Variants in EVC2 observed in about 807,000 individuals in gnomAD.
EVC2 encodes the protein limbin.
EVC2 carries 148 observed loss-of-function variants against 149.3 expected under a neutral mutation model. The observed-to-expected ratio is 0.99, with a 90% CI of 0.87 to 1.14. EVC2 has a LOEUF of 1.14. Among genes scored for constraint, EVC2 ranks in the 50% most tolerant of loss-of-function variants. The pLI is 0.00. For missense variants in EVC2, 1,854 were observed against 1,627.3 expected (o/e 1.14, Z -2.40); for synonymous variants, 776 against 649.9 (o/e 1.19, Z -2.95).
chr4:5,640,376 A>G lies in EVC2; in HGVS notation c.1470+138T>C. 1.0e-6 allele frequency: 1 copy of G among 991,016 alleles called. No individual in the cohort carries two copies. Among genetic ancestry groups the G allele is most frequent in the Non-Finnish European group, 1.6e-6 (1 of 620,574 alleles). The allele number at this position is 991,016 out of a possible 1,614,324, so 61.4% of individuals were successfully genotyped here. A position where few individuals can be genotyped will look rare whatever the true frequency, so the allele number is the denominator to read the frequency against. ...TGGATGAATGAATGGAAGGATGAAT[A>G]GATGAATGAGTGGGTGGTTGGATGG... On this transcript the variant is annotated intron_variant, in intron 10 of 21. Transcript: ENST00000344408. The surrounding 1 kb of genome is among the most constrained non-coding windows in gnomAD (Gnocchi z 4.6).
At chr4:5,623,077 A>G in intron 13 of EVC2, 86 bp from the exon 14 acceptor site, 1 of 1,246,962 alleles carries the variant, frequency 8.0e-7, no homozygotes, top group South Asian at 1.3e-5. Flanking sequence ...CAGGAAGCAC[A>G]GAATGTTTAT....
At position 5,685,224 on chromosome 4, in the gene EVC2, G is replaced by C. The variant is rs537594791; in HGVS notation, c.816+146C>G. ...GCCCAGTTCATGGCAAGGCGTGTGA[G>C]ACTCCAGGGCCTATGCCCTTATCTG... On this transcript the variant is annotated intron_variant, in intron 6 of 21. Coordinates refer to ENST00000344408, the MANE Select transcript of EVC2 (RefSeq NM_147127.5). The C allele has an allele frequency of 7.4e-4, 598 of 810,906 alleles. 4 individuals are homozygous for C. Among genetic ancestry groups the C allele is most frequent in the South Asian group, 9.7e-4 (68 of 69,796 alleles). The allele number at this position is 810,906 out of a possible 1,614,324, so 50.2% of individuals were successfully genotyped here. A position where few individuals can be genotyped will look rare whatever the true frequency, so the allele number is the denominator to read the frequency against.
chr4:5,541,573 C>T (rs1353732806), downstream of EVC2, among the ~76,000 whole-genome samples: 1 of 152,172 alleles, frequency 6.6e-6, no homozygotes, highest in Non-Finnish European at 1.5e-5. Flanking sequence ...GCAGGAAGGA[C>T]TTCACATCCT....
chr4:5,586,028 A>G (rs568974170), intron 16 of EVC2, among the ~76,000 whole-genome samples: 1 of 151,838 alleles, frequency 6.6e-6, no homozygotes, highest in Non-Finnish European at 1.5e-5. Context: ...CACCCAGCTA[A>G]TTTTTGTAAT....
intron 20 of EVC2, 85 bp from the exon 21 acceptor site, chr4:5,565,444 G>A (rs1006775597): frequency 3.2e-6 from 4 of 1,264,382 alleles, no homozygotes; most frequent in East Asian, 2.4e-5. Context: ...GCAGAGGCGG[G>A]CAGATCACCT....
chr4:5,546,265 G>A (rs1721620776), intron 21 of EVC2, among the ~76,000 whole-genome samples: 1 of 152,192 alleles, frequency 6.6e-6, no homozygotes, highest in South Asian at 2.1e-4. Flanking sequence ...ACATGCATAC[G>A]TATGTTTACT....
the EVC2 span, among the ~76,000 whole-genome samples, chr4:5,535,525 G>T: frequency 6.6e-6 from 1 of 151,312 alleles, no homozygotes; most frequent in African/African-American, 2.4e-5. The surrounding 1 kb of genome is among the most constrained non-coding windows in gnomAD (Gnocchi z 4.7). Context: ...ACAACAGACG[G>T]TTATTTCACA....
chr4:5,601,049 C>T (rs761156577), intron 16 of EVC2, among the ~76,000 whole-genome samples: 14 of 152,150 alleles, frequency 9.2e-5, no homozygotes, highest in Non-Finnish European at 1.5e-4. Context: ...AGACTTGGAG[C>T]GGTCTTTTTT....
At chr4:5,665,249 G>A (rs1719187706) in intron 8 of EVC2, among the ~76,000 whole-genome samples, 1 of 152,094 alleles carries the variant, frequency 6.6e-6, no homozygotes, top group Non-Finnish European at 1.5e-5. Flanking sequence ...GTTCCAAGTT[G>A]TAACGTTCTG....
At position 5,640,203 on chromosome 4, in the gene EVC2, A is replaced by G. The variant is rs1187475000; in HGVS notation, c.1470+311T>C. 2.0e-5 allele frequency among the ~76,000 whole-genome samples: 3 copies of G among 151,840 alleles called. No individual in the cohort carries two copies. Among genetic ancestry groups the G allele is most frequent in the Admixed American group, 1.3e-4 (2 of 15,252 alleles). On this transcript the variant is annotated intron_variant, in intron 10 of 21. Coordinates refer to ENST00000344408, the MANE Select transcript of EVC2 (RefSeq NM_147127.5). The surrounding 1 kb of genome is among the most constrained non-coding windows in gnomAD (Gnocchi z 4.6). ...AATGAGTAGGTGGATGAACAGACAG[A>G]TGGATGTGTAGATGGACAGATGGGT...
chr4:5,708,545 G>C lies in EVC2; in HGVS notation c.-32C>G, dbSNP rs1039950341. On this transcript the variant is annotated 5_prime_UTR_variant, in exon 1 of 22. Transcript: ENST00000344408. ...TCGGGACCCGCTACCTCAAAGCGGC[G>C]GGTGCCGCCGAGTCGCTGGAGCTTC... 14 of 1,382,278 alleles carry C rather than the reference G, an allele frequency of 1.0e-5. No individual in the cohort carries two copies. The highest frequency in any genetic ancestry group is 1.2e-5 in the Non-Finnish European group (13 of 1,066,450). The allele number at this position is 1,382,278 out of a possible 1,614,324, so 85.6% of individuals were successfully genotyped here.
rs377461598 is a variant in EVC2, at chr4:5,640,585, C to T, written c.1399G>A (p.Glu467Lys). 63 of 1,614,140 alleles carry T rather than the reference C, an allele frequency of 3.9e-5. No homozygotes were observed. Among genetic ancestry groups the T allele is most frequent in the African/African-American group, 2.9e-4 (22 of 75,026 alleles). ...ATCATCTCTCTCTGGTACTGGTTTT[C>T]CATCTTCTTTCTTGTTTCCAGGTCA... ...ECDLETRKKM[E>K]NQYQREMMAM... Residue 467 changes from glutamate to lysine, a missense_variant, in exon 10 of 22, where the codon GAA becomes AAA. Transcript: ENST00000344408. This position sits in a 1 kb window ranked among gnomAD's most constrained non-coding sequence, Gnocchi z 4.6.
chr4:5,682,269 T>A (rs1053207465), intron 6 of EVC2, among the ~76,000 whole-genome samples: 1 of 151,998 alleles, frequency 6.6e-6, no homozygotes, highest in South Asian at 2.1e-4. Flanking sequence ...GGCAAGTGGA[T>A]CACCTGAGGT....
intron 11 of EVC2, among the ~76,000 whole-genome samples, chr4:5,630,062 T>A (rs573393094): frequency 8.5e-5 from 13 of 152,210 alleles, no homozygotes; most frequent in Non-Finnish European, 1.9e-4. Flanking sequence ...AATATCTAAG[T>A]AACGCCATGG....
At chr4:5,590,988 G>A (rs1712744650) in intron 16 of EVC2, among the ~76,000 whole-genome samples, 2 of 152,080 alleles carry the variant, frequency 1.3e-5, no homozygotes, top group African/African-American at 4.8e-5. Flanking sequence ...TCACTATCAC[G>A]AGAACAGCAT....
At chr4:5,544,361 T>C (rs1438566309) in intron 21 of EVC2, among the ~76,000 whole-genome samples, 2 of 152,228 alleles carry the variant, frequency 1.3e-5, no homozygotes, top group Non-Finnish European at 2.9e-5. Flanking sequence ...CAGAGCCCTC[T>C]GAGATTCAAA....
intron 16 of EVC2, 48 bp from the exon 17 acceptor site, chr4:5,584,898 G>A (rs746849883): frequency 6.3e-7 from 1 of 1,591,970 alleles, no homozygotes; most frequent in East Asian, 2.2e-5. Flanking sequence ...AGTGAGTAGA[G>A]GAGGGTGGAG....
the EVC2 span, among the ~76,000 whole-genome samples, chr4:5,530,638 T>C: frequency 6.6e-6 from 1 of 152,190 alleles, no homozygotes; most frequent in African/African-American, 2.4e-5. Context: ...GTTAGACTTA[T>C]TCATCCTACA....
intron 21 of EVC2, among the ~76,000 whole-genome samples, chr4:5,555,003 C>T (rs897973714): frequency 7.2e-6 from 1 of 138,308 alleles, no homozygotes; most frequent in African/African-American, 2.9e-5. Context: ...CATTAGATAA[C>T]TAGAGAGAGG....
Sources: gnomAD v4.1 joint callset for allele counts (sites outside exome capture counted in the v4.1 genomes callset) on GRCh38, gnomAD v4.1.1 for gene constraint, Gnocchi (gnomAD v3.1) non-coding constraint, MANE v1.5 for transcripts, NCBI Gene and HGNC (gene_info 2026-07-23, HGNC 2026-07-21) for gene names.